Variants in RAD21 observed in about 807,000 individuals in gnomAD.
RAD21 encodes the protein double-strand-break repair protein rad21 homolog.
In RAD21, 18 loss-of-function variants were observed where a neutral mutation model predicts 71.5. The ratio of observed to expected loss-of-function variants is 0.25; its 90% confidence interval spans 0.17 to 0.37. The LOEUF (loss-of-function observed/expected upper bound fraction) is 0.37, where lower values mean the gene tolerates loss of function less well. Among genes scored for constraint, RAD21 ranks in the 10% least tolerant of loss-of-function variants. The pLI, the probability that RAD21 is intolerant of heterozygous loss-of-function variation, is 1.00. For synonymous variants in RAD21, 248 were observed against 254.0 expected (o/e 0.98, Z 0.22); for missense variants, 493 against 769.1 (o/e 0.64, Z 4.25).
chr8:116,862,850 A>C (rs1412308819), intron 3 of RAD21, among the ~76,000 whole-genome samples: 3 of 152,118 alleles, frequency 2.0e-5, no homozygotes, highest in African/African-American at 7.2e-5. Flanking sequence ...TGATGACTCA[A>C]GTCTATGTAA....
At chr8:116,862,732 GA>G (rs1219110586) in intron 3 of RAD21, among the ~76,000 whole-genome samples, 7 of 151,992 alleles carry the variant, frequency 4.6e-5, no homozygotes, top group African/African-American at 1.7e-4. Flanking sequence ...AAAAAACTAC[GA>G]AGAATATTTA....
chr8:116,849,904 T>C (rs903039481), intron 12 of RAD21, among the ~76,000 whole-genome samples: 19 of 152,204 alleles, frequency 1.2e-4, no homozygotes, highest in Non-Finnish European at 2.1e-4. Context: ...TGAAGAAATT[T>C]AAACAGCTTC....
At chr8:116,854,106 CTG>C (rs1812414353) in intron 9 of RAD21, 137 bp downstream of exon 9, 3 of 639,336 alleles carry the variant, frequency 4.7e-6, no homozygotes, top group African/African-American at 3.9e-5. Flanking sequence ...GCCCAGTACA[CTG>C]TGATTTAAGG....
intron 13 of RAD21, 143 bp downstream of exon 13, chr8:116,848,803 A>T: frequency 2.1e-6 from 1 of 486,650 alleles, no homozygotes; most frequent in Non-Finnish European, 3.5e-6. Context: ...CAGAAAAAAT[A>T]AATAAATAAA....
At chr8:116,849,111 A>C (rs901058458) in intron 12 of RAD21, 82 bp from the exon 13 acceptor site, 3 of 948,258 alleles carry the variant, frequency 3.2e-6, no homozygotes, top group Non-Finnish European at 4.5e-6. Context: ...AAAAGCTCCT[A>C]AATTACCTTG....
At chr8:116,869,607 A>AAAG (rs1028080327) in intron 1 of RAD21, among the ~76,000 whole-genome samples, 2 of 152,196 alleles carry the variant, frequency 1.3e-5, no homozygotes, top group African/African-American at 4.8e-5. Context: ...AAAGTGAGCC[A>AAAG]AAGAAGAGAA....
chr8:116,866,494 T>A (rs541206206), intron 2 of RAD21, 92 bp downstream of exon 2: 1 of 1,216,164 alleles, frequency 8.2e-7, no homozygotes, highest in South Asian at 1.7e-5. Context: ...TGCACTCCAA[T>A]GCCCCTACCT....
chr8:116,852,320 A>G, intron 10 of RAD21: 3 of 635,150 alleles, frequency 4.7e-6, no homozygotes, highest in Non-Finnish European at 7.7e-6. Flanking sequence ...AGTACAATGT[A>G]GGACAATTCT....
At chr8:116,848,230 T>G (rs1458985892) in intron 13 of RAD21, among the ~76,000 whole-genome samples, 24 of 152,168 alleles carry the variant, frequency 1.6e-4, no homozygotes, top group Admixed American at 1.6e-3. Flanking sequence ...AGATTGCACT[T>G]TTTTAAATAG....
chr8:116,872,358 G>C (rs924873550), intron 1 of RAD21, among the ~76,000 whole-genome samples: 17 of 152,112 alleles, frequency 1.1e-4, no homozygotes, highest in African/African-American at 4.1e-4. Context: ...TCCAGGTTAA[G>C]TGCAAAAAAG....
chr8:116,871,439 C>CA (rs1399477255), intron 1 of RAD21, among the ~76,000 whole-genome samples: 12 of 152,098 alleles, frequency 7.9e-5, no homozygotes, highest in Admixed American at 4.6e-4. Flanking sequence ...TTCAAGAATA[C>CA]AAAAAATGGC....
chr8:116,858,547 AT>A (rs879120264), intron 4 of RAD21, 89 bp from the exon 5 acceptor site: 79 of 973,112 alleles, frequency 8.1e-5, no homozygotes, highest in Non-Finnish European at 1.0e-4. Flanking sequence ...AATTAAAAAA[AT>A]ATATATGTAT....
intron 7 of RAD21, 23 bp from the exon 8 acceptor site, chr8:116,856,311 A>G (rs777945694): frequency 7.5e-6 from 11 of 1,467,976 alleles, no homozygotes; most frequent in Middle Eastern, 1.8e-4. Flanking sequence ...AAAAAAAAAA[A>G]AAAAGTCACA....
intron 4 of RAD21, among the ~76,000 whole-genome samples, chr8:116,859,545 G>C (rs900061081): frequency 2.0e-5 from 3 of 152,024 alleles, no homozygotes; most frequent in African/African-American, 7.2e-5. Context: ...CTGGCCCAGT[G>C]ATCTTTGATG....
At chr8:116,852,771 C>G (rs1156422224) in intron 9 of RAD21, 63 bp from the exon 10 acceptor site, 1 of 1,205,606 alleles carries the variant, frequency 8.3e-7, no homozygotes. Flanking sequence ...AAAGTCACCA[C>G]TGATTTCTAT....
At chr8:116,863,069 A>G (rs1563692583) in intron 3 of RAD21, 61 bp downstream of exon 3, 4 of 1,544,282 alleles carry the variant, frequency 2.6e-6, no homozygotes, top group Non-Finnish European at 3.5e-6. Context: ...CAGTAACACA[A>G]AAAACATGAG....
At chr8:116,868,922 G>A (rs564736710) in intron 1 of RAD21, among the ~76,000 whole-genome samples, 101 of 93,718 alleles carry the variant, frequency 1.1e-3, no homozygotes, top group African/African-American at 2.7e-3. Flanking sequence ...AAACATGCAC[G>A]CACGCACGCA....
chr8:116,862,622 T>C (rs988264743), intron 3 of RAD21, among the ~76,000 whole-genome samples: 16 of 152,234 alleles, frequency 1.1e-4, no homozygotes, highest in South Asian at 2.1e-4. Context: ...TTAAAAATTA[T>C]AGAAAGATAT....
At chr8:116,850,093 T>C (rs999815968) in intron 12 of RAD21, among the ~76,000 whole-genome samples, 5 of 152,024 alleles carry the variant, frequency 3.3e-5, no homozygotes, top group Admixed American at 2.6e-4. Context: ...GAAAAAGAAA[T>C]TGATTCCTAA....
Sources: allele counts gnomAD v4.1 joint callset (sites outside exome capture counted in the v4.1 genomes callset), GRCh38; gene constraint gnomAD v4.1.1; transcripts MANE v1.5; gene names NCBI Gene and HGNC (gene_info 2026-07-23, HGNC 2026-07-21).